PRKCH: variants seen among roughly 807,000 people sequenced by gnomAD.
PRKCH encodes protein kinase C eta type.
Under a neutral mutation model 82.5 loss-of-function variants are expected in PRKCH, and 28 were observed. The ratio of observed to expected loss-of-function variants is 0.34; its 90% CI spans 0.25 to 0.47. PRKCH has a LOEUF of 0.47. Ranked by LOEUF, PRKCH falls within the 20% of genes least tolerant of loss-of-function variation. The pLI is 1.00. For missense variants in PRKCH, 705 were observed against 881.8 expected (o/e 0.80, Z 2.54); for synonymous variants, 322 against 327.4 (o/e 0.98, Z 0.18).
chr14:61,449,355 T>C, intron 5 of PRKCH, 103 bp downstream of exon 5: 1 of 979,086 alleles, frequency 1.0e-6, no homozygotes, highest in South Asian at 1.5e-5. Flanking sequence ...CCTCTTTTCC[T>C]TCTCCCCGTC....
rs2045637819 is a variant in PRKCH at position 61,322,369 on chromosome 14, A to G, written c.268A>G (p.Thr90Ala). 6.2e-7 allele frequency: 1 copy of G among 1,612,996 alleles called. No homozygotes were observed. The highest frequency in any genetic ancestry group is 2.2e-5 in the East Asian group (1 of 44,776). Reference sequence around the variant, plus strand: ...CCTCGAGTTGGCCGTCTTCCACGAGACGCCCCTGGGCTACGACCACTTCGT... The same window carrying G: ...CCTCGAGTTGGCCGTCTTCCACGAGGCGCCCCTGGGCTACGACCACTTCGT... ...GHLELAVFHE[T>A]PLGYDHFVAN... Residue 90 changes from threonine to alanine, a missense_variant, in exon 1 of 14, where the codon ACG becomes GCG. Coordinates refer to ENST00000332981, the MANE Select transcript of PRKCH (RefSeq NM_006255.5).
intron 1 of PRKCH, among the ~76,000 whole-genome samples, chr14:61,214,808 G>T (rs2044605903): frequency 6.6e-6 from 1 of 151,940 alleles, no homozygotes; most frequent in Non-Finnish European, 1.5e-5. Flanking sequence ...ATGCATTTTT[G>T]GCCTGTGCAG....
intron 10 of PRKCH, among the ~76,000 whole-genome samples, chr14:61,502,819 C>A (rs1288860771): frequency 6.6e-6 from 1 of 152,060 alleles, no homozygotes; most frequent in East Asian, 1.9e-4. Flanking sequence ...GCTTGCCTTT[C>A]CCAAGTTCAC....
At chr14:61,508,327 A>AGG (rs1479272598) in intron 10 of PRKCH, among the ~76,000 whole-genome samples, 2 of 152,280 alleles carry the variant, frequency 1.3e-5, no homozygotes, top group African/African-American at 4.8e-5. Flanking sequence ...GAAGTATCAA[A>AGG]GGGGAGGGAG....
chr14:61,406,132 A>ATTAT (rs1333640927), intron 2 of PRKCH, among the ~76,000 whole-genome samples: 1 of 152,172 alleles, frequency 6.6e-6, no homozygotes, highest in Admixed American at 6.5e-5. Flanking sequence ...TGTGTCCTAA[A>ATTAT]TTATACCTAA....
intron 2 of PRKCH, among the ~76,000 whole-genome samples, chr14:61,417,098 C>A (rs1882598508): frequency 6.6e-6 from 1 of 152,160 alleles, no homozygotes. Context: ...TCTTCTCTCT[C>A]CATCCCTTTT....
intron 9 of PRKCH, among the ~76,000 whole-genome samples, chr14:61,473,440 G>A (rs895383111): frequency 8.5e-5 from 13 of 152,334 alleles, no homozygotes; most frequent in East Asian, 1.9e-4. Flanking sequence ...TGCTGGGCCC[G>A]TGATCTGGGA....
intron 9 of PRKCH, among the ~76,000 whole-genome samples, chr14:61,468,196 G>A (rs1885344068): frequency 1.3e-5 from 2 of 152,168 alleles, no homozygotes; most frequent in East Asian, 3.8e-4. Context: ...CTTTCCCTGA[G>A]CAGTGGCTGC....
Position 61,199,751 on chromosome 14 carries a change from G to A in PRKCH, c.-19+12083G>A, listed in dbSNP as rs116200883. ...ATCAGGCGCTAGTTCCCCATGGAGC[G>A]CTTACCTCTATTATTATATCTCCCC... On this transcript the variant is annotated intron_variant, in intron 1 of 3. Transcript: ENST00000555185. 1.1e-3 allele frequency among the ~76,000 whole-genome samples: 160 copies of A among 152,224 alleles called. 1 individual carries two copies. The highest frequency in any genetic ancestry group is 3.4e-3 in the African/African-American group (143 of 41,530).
intron 10 of PRKCH, among the ~76,000 whole-genome samples, chr14:61,502,405 C>T (rs1185516388): frequency 6.6e-6 from 1 of 152,008 alleles, no homozygotes; most frequent in Non-Finnish European, 1.5e-5. Context: ...CAGTTCAAGT[C>T]CTGGAAATAA....
chr14:61,280,132 T>C lies in PRKCH; in HGVS notation c.-19+92464T>C, dbSNP rs941010284. Reference sequence around the variant, plus strand: ...GTCGTCCTGGTCCTGGTAGCGAATGTAGACGACCAGCATGACAAAGCCGGT... The same window carrying C: ...GTCGTCCTGGTCCTGGTAGCGAATGCAGACGACCAGCATGACAAAGCCGGT... On this transcript the variant is annotated intron_variant, in intron 1 of 3. Coordinates refer to the PRKCH transcript ENST00000555185. The surrounding 1 kb of genome is among the most constrained non-coding windows in gnomAD (Gnocchi z 5.0). The C allele has an allele frequency of 3.7e-6, 6 of 1,613,720 alleles. No homozygotes were observed. The highest frequency in any genetic ancestry group is 4.2e-6 in the Non-Finnish European group (5 of 1,179,878).
chr14:61,250,997 A>G (rs1211751502), intron 1 of PRKCH, among the ~76,000 whole-genome samples: 3 of 152,240 alleles, frequency 2.0e-5, no homozygotes, highest in Non-Finnish European at 2.9e-5. Context: ...ATCAGTGTTC[A>G]GCCACTGAGA....
chr14:61,393,694 G>T (rs1330573299), intron 2 of PRKCH, among the ~76,000 whole-genome samples: 1 of 152,188 alleles, frequency 6.6e-6, no homozygotes, highest in Non-Finnish European at 1.5e-5. Context: ...TCTTTCTGTG[G>T]CCCCATCTTT....
intron 10 of PRKCH, among the ~76,000 whole-genome samples, chr14:61,513,972 G>A (rs1232613930): frequency 6.6e-6 from 1 of 152,094 alleles, no homozygotes; most frequent in Non-Finnish European, 1.5e-5. Flanking sequence ...AGGTGACAGA[G>A]CTAAGACCAG....
chr14:61,202,658 T>C (rs985410627), intron 1 of PRKCH, among the ~76,000 whole-genome samples: 1 of 152,092 alleles, frequency 6.6e-6, no homozygotes, highest in African/African-American at 2.4e-5. Context: ...ATTTTAATCA[T>C]CACAATAGCC....
Position 61,280,713 on chromosome 14 carries a change from G to A in PRKCH, c.-19+93045G>A, listed in dbSNP as rs969974985. 10 of 1,579,124 alleles carry A rather than the reference G, an allele frequency of 6.3e-6. No individual in the cohort carries two copies. In the African/African-American group the frequency reaches 9.4e-5, roughly 15 times the overall value. On this transcript the variant is annotated intron_variant, in intron 1 of 3. Coordinates refer to the PRKCH transcript ENST00000555185. The surrounding 1 kb of genome is among the most constrained non-coding windows in gnomAD (Gnocchi z 5.0). ...CGCTGCGCTGGTAGGGGGCGCACTCGTTGACAGGGTGGCGCAGCGCGCTGG... is the reference window on the plus strand; with the variant it reads ...CGCTGCGCTGGTAGGGGGCGCACTCATTGACAGGGTGGCGCAGCGCGCTGG...
chr14:61,386,507 C>T (rs1296485160), intron 1 of PRKCH, among the ~76,000 whole-genome samples: 1 of 152,018 alleles, frequency 6.6e-6, no homozygotes, highest in Non-Finnish European at 1.5e-5. Context: ...GATCTGAGAG[C>T]GATTCAATGT....
At chr14:61,345,873 TC>T (rs56033646) in intron 1 of PRKCH, among the ~76,000 whole-genome samples, 1,975 of 140,682 alleles carry the variant, frequency 0.014, 33 homozygotes, top group South Asian at 0.071. Context: ...ACCCTGTCTC[TC>T]TTTTTTTTTT....
chr14:61,467,367 G>C (rs1212290537), intron 9 of PRKCH, among the ~76,000 whole-genome samples: 2 of 152,230 alleles, frequency 1.3e-5, no homozygotes, highest in African/African-American at 2.4e-5. Context: ...ATGTGGGGTC[G>C]TAGCGGGGCT....
Sources: allele counts gnomAD v4.1 joint callset (sites outside exome capture counted in the v4.1 genomes callset), GRCh38; gene constraint gnomAD v4.1.1; non-coding constraint Gnocchi (gnomAD v3.1); transcripts MANE v1.5; gene names NCBI Gene and HGNC (gene_info 2026-07-23, HGNC 2026-07-21).